The following LIPC variants were observed in gnomAD, a reference collection of about 807,000 sequenced individuals.
The protein encoded by LIPC is lipase C, hepatic type, also known as hepatic triacylglycerol lipase.
Under a neutral mutation model 50.7 loss-of-function variants are expected in LIPC, and 44 were observed. The ratio of observed to expected loss-of-function variants is 0.87; its 90% CI spans 0.68 to 1.11. The LOEUF (loss-of-function observed/expected upper bound fraction) is 1.11. Among genes scored for constraint, LIPC ranks in the 50% most tolerant of loss-of-function variants. The pLI, the probability that LIPC is intolerant of heterozygous loss-of-function variation, is 0.00. For missense variants in LIPC, 697 were observed against 648.2 expected (o/e 1.08, Z -0.82); for synonymous variants, 271 against 256.4 (o/e 1.06, Z -0.54).
intron 1 of LIPC, among the ~76,000 whole-genome samples, chr15:58,442,762 A>T (rs1212941817): frequency 2.0e-5 from 3 of 152,206 alleles, no homozygotes; most frequent in Non-Finnish European, 4.4e-5. Context: ...GGTATAGCTG[A>T]AACATGGGCT....
intron 1 of LIPC, among the ~76,000 whole-genome samples, chr15:58,493,680 C>A (rs867613586): frequency 7.0e-6 from 1 of 142,122 alleles, no homozygotes; most frequent in African/African-American, 2.6e-5. Flanking sequence ...AAATTTATTA[C>A]GTATAAATAA....
At chr15:58,510,089 T>C (rs535135347) in intron 1 of LIPC, among the ~76,000 whole-genome samples, 1 of 152,350 alleles carries the variant, frequency 6.6e-6, no homozygotes, top group South Asian at 2.1e-4. Flanking sequence ...TTACTAAACA[T>C]GTATTTGCTG....
chr15:58,457,232 C>T (rs1007103546), intron 1 of LIPC, among the ~76,000 whole-genome samples: 3 of 152,198 alleles, frequency 2.0e-5, no homozygotes, highest in Admixed American at 2.0e-4. Context: ...GTCTCAGCCT[C>T]CTGAGTAGCT....
intron 1 of LIPC, among the ~76,000 whole-genome samples, chr15:58,535,445 C>G: frequency 6.6e-6 from 1 of 152,206 alleles, no homozygotes; most frequent in Admixed American, 6.5e-5. Flanking sequence ...AAAGAGAGGG[C>G]CCTGTTCAGT....
intron 1 of LIPC, among the ~76,000 whole-genome samples, chr15:58,472,163 C>T (rs28478642): frequency 0.11 from 17,031 of 148,534 alleles, 1,156 homozygotes; most frequent in Non-Finnish European, 0.17. Flanking sequence ...CCCAGCTACT[C>T]GGGAGGCTGA....
At chr15:58,535,016 C>G (rs940871942) in intron 1 of LIPC, among the ~76,000 whole-genome samples, 4 of 152,188 alleles carry the variant, frequency 2.6e-5, no homozygotes, top group African/African-American at 9.7e-5. Context: ...CTCATGTCAT[C>G]CTCCCAATCT....
chr15:58,490,600 T>C (rs1445511918), intron 1 of LIPC, among the ~76,000 whole-genome samples: 1 of 152,178 alleles, frequency 6.6e-6, no homozygotes, highest in East Asian at 1.9e-4. Context: ...TTAGAAGCTG[T>C]TTTCCCCTCA....
chr15:58,489,999 G>A (rs917021170), intron 1 of LIPC, among the ~76,000 whole-genome samples: 4 of 148,980 alleles, frequency 2.7e-5, no homozygotes, highest in Admixed American at 1.3e-4. Flanking sequence ...CTAATACTGT[G>A]GGGAAAAGAA....
At position 58,439,360 on chromosome 15, in the gene LIPC, G is replaced by A. The variant is rs563170477; in HGVS notation, c.88+7240G>A. On this transcript the variant is annotated intron_variant, in intron 1 of 8. Coordinates refer to ENST00000299022, the MANE Select transcript of LIPC (RefSeq NM_000236.3). ...AATAATCAGAAAATAAATTTACTAC[G>A]AAATGATAAAATAAAGGAGTTTGAC... 1.6e-4 allele frequency among the ~76,000 whole-genome samples: 24 copies of A among 152,246 alleles called. No homozygotes were observed. The South Asian group carries it at 1.9e-3, about 12-fold the overall frequency.
intron 1 of LIPC, among the ~76,000 whole-genome samples, chr15:58,526,230 A>T (rs79771407): frequency 1.2e-3 from 179 of 152,338 alleles, no homozygotes; most frequent in African/African-American, 4.0e-3. Flanking sequence ...CTGCTCACAA[A>T]TGTAAAAAGT....
At chr15:58,495,012 G>A in intron 1 of LIPC, 2 of 397,260 alleles carry the variant, frequency 5.0e-6, no homozygotes, top group Non-Finnish European at 5.0e-6. Context: ...TCCCTCCCCT[G>A]CCCCCTTACC....
intron 1 of LIPC, among the ~76,000 whole-genome samples, chr15:58,508,880 C>T (rs565424246): frequency 2.2e-4 from 34 of 151,832 alleles, no homozygotes; most frequent in Admixed American, 9.2e-4. Context: ...TAGTATTCTT[C>T]TGTGCATCCT....
chr15:58,496,743 C>CAAAAAAAAAAAAAAAAA lies in LIPC; in HGVS notation c.89-41589_89-41573dup, dbSNP rs10716717. Among the ~76,000 whole-genome samples the CAAAAAAAAAAAAAAAAA allele has an allele frequency of 4.6e-3, 525 of 114,062 alleles. 30 individuals carry two copies. The highest frequency in any genetic ancestry group is 0.016 in the African/African-American group (483 of 29,702). The allele number at this position is 114,062 out of a possible 152,430, so 74.8% of individuals were successfully genotyped here. ...GCCCTGCTACAGAAGTCTTCCCCCTCAAAAAAAAAAAAAAAAATTAAGATG... is the reference window on the plus strand; with the variant it reads ...GCCCTGCTACAGAAGTCTTCCCCCTCAAAAAAAAAAAAAAAAAAAAAAAAAAAAAAAAAATTAAGATG... On this transcript the variant is annotated intron_variant, in intron 1 of 8. Coordinates refer to ENST00000299022, the MANE Select transcript of LIPC (RefSeq NM_000236.3).
chr15:58,493,815 A>C (rs1891673767), intron 1 of LIPC, among the ~76,000 whole-genome samples: 1 of 151,540 alleles, frequency 6.6e-6, no homozygotes, highest in South Asian at 2.1e-4. Context: ...CTATAAAAGA[A>C]ATTGAAACCT....
intron 1 of LIPC, among the ~76,000 whole-genome samples, chr15:58,518,714 A>G (rs3751543): frequency 0.24 from 35,878 of 152,126 alleles, 5,064 homozygotes; most frequent in South Asian, 0.41. Flanking sequence ...GCCAGGCCCA[A>G]AAGAGCATCT....
chr15:58,549,872 C>A (rs544754564), intron 6 of LIPC, among the ~76,000 whole-genome samples: 266 of 152,322 alleles, frequency 1.7e-3, no homozygotes, highest in African/African-American at 6.1e-3. Context: ...TGGAAGTCCT[C>A]CTGCTTCGGG....
chr15:58,507,194 A>G (rs1169827721), intron 1 of LIPC, among the ~76,000 whole-genome samples: 1 of 152,212 alleles, frequency 6.6e-6, no homozygotes, highest in Non-Finnish European at 1.5e-5. Context: ...AGAACAGGGA[A>G]ATAAAATTGG....
At chr15:58,482,528 C>T (rs1385443342) in intron 1 of LIPC, among the ~76,000 whole-genome samples, 2 of 152,134 alleles carry the variant, frequency 1.3e-5, no homozygotes, top group Non-Finnish European at 2.9e-5. Context: ...TCATACCTGG[C>T]TCTTAGGTTG....
chr15:58,462,197 A>T (rs1221685465), intron 1 of LIPC, among the ~76,000 whole-genome samples: 1 of 152,242 alleles, frequency 6.6e-6, no homozygotes, highest in South Asian at 2.1e-4. Flanking sequence ...TCCCTATAGG[A>T]TCGTGAGTGC....
Sources: gnomAD v4.1 joint callset for allele counts (sites outside exome capture counted in the v4.1 genomes callset) on GRCh38, gnomAD v4.1.1 for gene constraint, MANE v1.5 for transcripts, NCBI Gene and HGNC (gene_info 2026-07-23, HGNC 2026-07-21) for gene names.